The following TGFA variants were observed in gnomAD, a reference collection of about 807,000 sequenced individuals.
TGFA encodes the protein protransforming growth factor alpha.
A neutral mutation model predicts 21.7 loss-of-function variants in TGFA; 12 were observed. The observed-to-expected ratio is 0.55, with a 90% CI of 0.35 to 0.90. TGFA has a LOEUF of 0.90. Ranked by LOEUF, TGFA falls within the 40% of genes least tolerant of loss-of-function variation. The pLI, the probability that TGFA is intolerant of heterozygous loss-of-function variation, is 0.01. For synonymous variants in TGFA, 79 were observed against 88.1 expected, an observed-to-expected ratio of 0.90 and a Z score of 0.58; for missense variants, 178 against 210.8, an observed-to-expected ratio of 0.84 and a Z score of 0.96.
At chr2:70,481,085 A>G (rs1300036900) in intron 2 of TGFA, among the ~76,000 whole-genome samples, 2 of 152,314 alleles carry the variant, frequency 1.3e-5, no homozygotes, top group Non-Finnish European at 2.9e-5. Context: ...TAGTTCCATG[A>G]AAAATTTGTT....
intron 1 of TGFA, among the ~76,000 whole-genome samples, chr2:70,515,967 G>T (rs1271787070): frequency 6.6e-6 from 1 of 152,224 alleles, no homozygotes; most frequent in African/African-American, 2.4e-5. Context: ...CAGGGCCCTT[G>T]TGAGCATGGG....
intron 2 of TGFA, among the ~76,000 whole-genome samples, chr2:70,480,100 C>T (rs1331994445): frequency 3.9e-5 from 6 of 152,164 alleles, no homozygotes; most frequent in Admixed American, 1.3e-4. Flanking sequence ...TTAACTGTAG[C>T]GCCTTCAAAT....
intron 1 of TGFA, among the ~76,000 whole-genome samples, chr2:70,543,552 C>T (rs1019193193): frequency 2.0e-5 from 3 of 150,592 alleles, no homozygotes; most frequent in Non-Finnish European, 3.0e-5. Flanking sequence ...AAAAAAAAGA[C>T]TACATTAACT....
At chr2:70,544,378 T>C (rs1673228252) in intron 1 of TGFA, among the ~76,000 whole-genome samples, 1 of 150,472 alleles carries the variant, frequency 6.6e-6, no homozygotes, top group South Asian at 2.1e-4. Context: ...GAGGCAAAGT[T>C]ATTATTATTC....
chr2:70,512,727 TG>T (rs1447988405), intron 2 of TGFA, among the ~76,000 whole-genome samples: 1 of 152,216 alleles, frequency 6.6e-6, no homozygotes, highest in Non-Finnish European at 1.5e-5. Context: ...GCCAGGCTCC[TG>T]GGGAACAGGC....
chr2:70,551,072 A>AT (rs200893459), intron 1 of TGFA, among the ~76,000 whole-genome samples: 67,774 of 151,928 alleles, frequency 0.45, 15,612 homozygotes, highest in East Asian at 0.6. Context: ...AGTAACAACA[A>AT]CAATGATGAT....
chr2:70,498,822 T>G (rs541144402), intron 2 of TGFA, among the ~76,000 whole-genome samples: 6 of 152,172 alleles, frequency 3.9e-5, no homozygotes, highest in Non-Finnish European at 8.8e-5. Flanking sequence ...TCAACAGACA[T>G]GCAAAACCAG....
chr2:70,548,153 G>T lies in TGFA; in HGVS notation c.40+5575C>A, dbSNP rs144170657. Among the ~76,000 whole-genome samples the T allele has an allele frequency of 1.1e-4, 16 of 152,230 alleles. 1 individual carries two copies. The highest frequency in any genetic ancestry group is 3.4e-4 in the African/African-American group (14 of 41,564). On this transcript the variant is annotated intron_variant, in intron 1 of 5. Coordinates refer to ENST00000295400, the MANE Select transcript of TGFA (RefSeq NM_003236.4). ...AACCACCCTTGATTGCCATAATAAA[G>T]AATTTTTCAGGATTAACATGAACAC...
chr2:70,507,090 C>T (rs1553500238), intron 2 of TGFA, among the ~76,000 whole-genome samples: 2 of 152,180 alleles, frequency 1.3e-5, no homozygotes, highest in African/African-American at 4.8e-5. Context: ...GGCCTGGGAG[C>T]CAAGCTACAA....
intron 2 of TGFA, among the ~76,000 whole-genome samples, chr2:70,499,789 T>C (rs985918220): frequency 3.9e-5 from 6 of 152,152 alleles, no homozygotes; most frequent in African/African-American, 7.2e-5. Flanking sequence ...AGCACAATAT[T>C]GGGGTGAGAC....
At chr2:70,476,003 T>A (rs1320146896) in intron 2 of TGFA, among the ~76,000 whole-genome samples, 3 of 139,408 alleles carry the variant, frequency 2.2e-5, no homozygotes, top group African/African-American at 5.4e-5. Context: ...AAGCTCCTCT[T>A]CCTCCTCATG....
intron 1 of TGFA, among the ~76,000 whole-genome samples, chr2:70,523,272 G>A (rs1559134511): frequency 1.3e-5 from 2 of 152,148 alleles, no homozygotes; most frequent in African/African-American, 4.8e-5. Flanking sequence ...AAGAGGCCTG[G>A]CCATATCCCA....
At chr2:70,504,463 TAC>T (rs369622936) in intron 2 of TGFA, among the ~76,000 whole-genome samples, 516 of 48,468 alleles carry the variant, frequency 0.011, 7 homozygotes, top group African/African-American at 0.024. Flanking sequence ...TATATATATA[TAC>T]ACACATACAT....
At chr2:70,475,016 AAGAT>A (rs1553493968) in intron 2 of TGFA, among the ~76,000 whole-genome samples, 3 of 147,374 alleles carry the variant, frequency 2.0e-5, no homozygotes, top group African/African-American at 5.1e-5. Flanking sequence ...ACTGGGAAAA[AAGAT>A]AGAGTCAGAG....
At chr2:70,487,518 C>CA (rs2103775139) in intron 2 of TGFA, among the ~76,000 whole-genome samples, 1 of 152,230 alleles carries the variant, frequency 6.6e-6, no homozygotes. Context: ...TAATTTTGGG[C>CA]ATGAAACAAA....
Position 70,450,563 on chromosome 2 carries a change from AC to A in TGFA, c.*295del. ...CAACTGCACACATGTGGACTCAGAC[AC>A]CAACTGCTGCACACACCTCACCTAG... On this transcript the variant is annotated 3_prime_UTR_variant, in exon 6 of 6. Coordinates refer to ENST00000295400, the MANE Select transcript of TGFA (RefSeq NM_003236.4). The A allele has an allele frequency of 5.0e-6, 2 of 398,192 alleles. No homozygotes were observed. The highest frequency in any genetic ancestry group is 9.0e-5 in the South Asian group (2 of 22,102). The allele number at this position is 398,192 out of a possible 1,614,324, so 24.7% of individuals were successfully genotyped here.
chr2:70,492,848 T>A (rs1206895754), intron 2 of TGFA, among the ~76,000 whole-genome samples: 2 of 152,188 alleles, frequency 1.3e-5, no homozygotes, highest in African/African-American at 4.8e-5. Flanking sequence ...AAAACAAAGG[T>A]GCCTTTCATG....
chr2:70,538,932 G>A (rs1673051433), intron 1 of TGFA, among the ~76,000 whole-genome samples: 1 of 152,156 alleles, frequency 6.6e-6, no homozygotes, highest in South Asian at 2.1e-4. Context: ...CAATTAGCAT[G>A]GCAAATTTCA....
intron 4 of TGFA, among the ~76,000 whole-genome samples, chr2:70,455,675 T>G (rs1199876052): frequency 6.6e-6 from 1 of 152,182 alleles, no homozygotes; most frequent in African/African-American, 2.4e-5. Context: ...TCTGGCATAG[T>G]TCCAAATGCT....
Sources: gnomAD v4.1 joint callset for allele counts (sites outside exome capture counted in the v4.1 genomes callset) on GRCh38, gnomAD v4.1.1 for gene constraint, MANE v1.5 for transcripts, NCBI Gene and HGNC (gene_info 2026-07-23, HGNC 2026-07-21) for gene names.